The following DGKG variants were observed in gnomAD, a reference collection of about 807,000 sequenced individuals.
DGKG encodes diacylglycerol kinase gamma.
A neutral mutation model predicts 105.3 loss-of-function variants in DGKG; 78 were observed. The ratio of observed to expected loss-of-function variants is 0.74; its 90% CI spans 0.62 to 0.89. The LOEUF is 0.89. Ranked by LOEUF, DGKG falls within the 40% of genes least tolerant of loss-of-function variation. The pLI is 0.00. For synonymous variants in DGKG, 346 were observed against 367.1 expected (o/e 0.94, Z 0.66); for missense variants, 958 against 1,020.1 (o/e 0.94, Z 0.83).
At chr3:186,354,342 A>C (rs1337199561) in intron 1 of DGKG, among the ~76,000 whole-genome samples, 1 of 152,238 alleles carries the variant, frequency 6.6e-6, no homozygotes, top group Non-Finnish European at 1.5e-5. Flanking sequence ...TCTAAGGATC[A>C]AAGTGGCCTC....
chr3:186,321,083 A>G (rs890532473), intron 1 of DGKG, among the ~76,000 whole-genome samples: 2 of 152,202 alleles, frequency 1.3e-5, no homozygotes, highest in African/African-American at 2.4e-5. Flanking sequence ...ACTGATTTCT[A>G]AATTCCACCG....
chr3:186,179,241 G>A (rs373053534), intron 22 of DGKG, among the ~76,000 whole-genome samples: 11 of 152,224 alleles, frequency 7.2e-5, no homozygotes, highest in Admixed American at 4.6e-4. Flanking sequence ...GAACACAGCC[G>A]TGCCCGTTCA....
rs1003019020 is a variant in DGKG at position 186,311,844 on chromosome 3, C to T, written c.68-4867G>A. On this transcript the variant is annotated intron_variant, in intron 2 of 24. Coordinates refer to ENST00000265022, the MANE Select transcript of DGKG (RefSeq NM_001346.3). ...TTAAGAACACAGAGTAGGCCGGGCG[C>T]GGTGGCTCACGCCTGTAATCCCAGC... Among the ~76,000 whole-genome samples the T allele has an allele frequency of 1.3e-4, 17 of 129,470 alleles. 3 individuals carry two copies. Among genetic ancestry groups the T allele is most frequent in the African/African-American group, 4.4e-4 (9 of 20,682 alleles). The allele number at this position is 129,470 out of a possible 152,430, so 84.9% of individuals were successfully genotyped here.
chr3:186,265,118 G>C lies in DGKG; in HGVS notation c.1269+129C>G, dbSNP rs944634356. ...GAGGCCACAAATAAATGCCCTCCTG[G>C]GTGGTATAATTAGTCAGATGAGAAG... On this transcript the variant is annotated intron_variant, in intron 14 of 24. Coordinates refer to ENST00000265022, the MANE Select transcript of DGKG (RefSeq NM_001346.3). 6 of 821,064 alleles carry C rather than the reference G, an allele frequency of 7.3e-6. No homozygotes were observed. The African/African-American group carries it at 1.0e-4, about 14-fold the overall frequency. 50.9% of individuals were successfully genotyped at this position (821,064 alleles called of 1,614,324 possible).
chr3:186,156,551 G>A (rs1041543344), intron 24 of DGKG, among the ~76,000 whole-genome samples: 6 of 151,800 alleles, frequency 4.0e-5, no homozygotes, highest in Admixed American at 1.3e-4. Context: ...ATTTCTCAGC[G>A]TTCTTTTATA....
At chr3:186,247,505 G>A (rs1187605663) in intron 19 of DGKG, among the ~76,000 whole-genome samples, 1 of 152,152 alleles carries the variant, frequency 6.6e-6, no homozygotes, top group African/African-American at 2.4e-5. Flanking sequence ...ATCATCATAA[G>A]GAAGTAAAAC....
At chr3:186,244,181 C>T (rs909884087) in intron 19 of DGKG, among the ~76,000 whole-genome samples, 1 of 152,090 alleles carries the variant, frequency 6.6e-6, no homozygotes, top group East Asian at 1.9e-4. Flanking sequence ...TGAGCCACTG[C>T]ACCTGGCCTC....
rs2108599429 is a variant in DGKG at position 186,284,934 on chromosome 3, T to C, written c.545-225A>G. The stretch of plus-strand genomic sequence containing the variant: ...TGGACCTGTCTAAGCAATACCTATG[T>C]GGCTGATGAAGTCCAGGTCATGAGT... On this transcript the variant is annotated intron_variant, in intron 6 of 24. Coordinates refer to ENST00000265022, the MANE Select transcript of DGKG (RefSeq NM_001346.3). This position sits in a 1 kb window ranked among gnomAD's most constrained non-coding sequence, Gnocchi z 4.0. 6.6e-6 allele frequency among the ~76,000 whole-genome samples: 1 copy of C among 152,314 alleles called. No individual in the cohort carries two copies. The highest frequency in any genetic ancestry group is 1.9e-4 in the East Asian group (1 of 5,184).
intron 2 of DGKG, among the ~76,000 whole-genome samples, chr3:186,310,304 C>T (rs1040019873): frequency 4.0e-5 from 5 of 124,938 alleles, no homozygotes; most frequent in African/African-American, 1.5e-4. Context: ...ACACACACAA[C>T]AAGAATCCAG....
chr3:186,212,097 T>C (rs767188118), intron 20 of DGKG, among the ~76,000 whole-genome samples: 3 of 152,194 alleles, frequency 2.0e-5, no homozygotes, highest in Non-Finnish European at 4.4e-5. Flanking sequence ...TTCTTAGACA[T>C]CACGGCAACC....
intron 19 of DGKG, among the ~76,000 whole-genome samples, chr3:186,245,932 C>A (rs57803739): frequency 0.027 from 3,994 of 147,216 alleles, 172 homozygotes; most frequent in African/African-American, 0.1. Flanking sequence ...ACAACAACAA[C>A]AAAAAAAAAC....
chr3:186,328,668 T>C (rs992063900), intron 1 of DGKG, among the ~76,000 whole-genome samples: 2 of 151,310 alleles, frequency 1.3e-5, no homozygotes, highest in Admixed American at 1.3e-4. Context: ...CTCCACCTCC[T>C]GGGTTCAAGT....
intron 1 of DGKG, among the ~76,000 whole-genome samples, chr3:186,353,142 C>G (rs1726716696): frequency 6.6e-6 from 1 of 152,158 alleles, no homozygotes; most frequent in Admixed American, 6.5e-5. Context: ...TCAGTTCAAG[C>G]TCATCTACTC....
At chr3:186,225,418 T>C (rs1719810912) in intron 20 of DGKG, among the ~76,000 whole-genome samples, 1 of 152,192 alleles carries the variant, frequency 6.6e-6, no homozygotes, top group Admixed American at 6.5e-5. Flanking sequence ...AAATAAATAA[T>C]TGGCCCCCAT....
intron 1 of DGKG, among the ~76,000 whole-genome samples, chr3:186,355,386 C>T (rs924237733): frequency 1.5e-4 from 22 of 149,618 alleles, no homozygotes; most frequent in African/African-American, 5.1e-4. Flanking sequence ...CCACCACCAC[C>T]ACTACCATCA....
intron 22 of DGKG, among the ~76,000 whole-genome samples, chr3:186,170,858 T>G (rs1351833572): frequency 6.6e-6 from 1 of 152,226 alleles, no homozygotes; most frequent in African/African-American, 2.4e-5. Context: ...TTCCTCATAG[T>G]TTTACACTTC....
chr3:186,291,737 G>C (rs190506685), intron 5 of DGKG, among the ~76,000 whole-genome samples: 18 of 152,206 alleles, frequency 1.2e-4, no homozygotes, highest in Non-Finnish European at 2.2e-4. Context: ...GGGGATGAAG[G>C]GTGGGCGGGT....
intron 24 of DGKG, chr3:186,160,798 G>A (rs4686740): frequency 0.45 from 446,906 of 985,122 alleles, 105,695 homozygotes; most frequent in East Asian, 0.75. Context: ...TCTTCACCAC[G>A]AGATTCTAGC....
At chr3:186,310,289 A>AAAAAG (rs1724473778) in intron 2 of DGKG, among the ~76,000 whole-genome samples, 1 of 136,368 alleles carries the variant, frequency 7.3e-6, no homozygotes, top group African/African-American at 2.7e-5. Flanking sequence ...AAAAAAAAAA[A>AAAAAG]CCACACACAC....
Sources: gnomAD v4.1 joint callset for allele counts (sites outside exome capture counted in the v4.1 genomes callset) on GRCh38, gnomAD v4.1.1 for gene constraint, Gnocchi (gnomAD v3.1) non-coding constraint, MANE v1.5 for transcripts, NCBI Gene and HGNC (gene_info 2026-07-23, HGNC 2026-07-21) for gene names.